Variants in GNPAT observed in about 807,000 individuals in gnomAD.
GNPAT encodes dihydroxyacetone phosphate acyltransferase.
Under a neutral mutation model 78.4 loss-of-function variants are expected in GNPAT, and 30 were observed. That is an observed-to-expected ratio of 0.38 (90% CI 0.29 to 0.52). The LOEUF (loss-of-function observed/expected upper bound fraction) is 0.52. Among genes scored for constraint, GNPAT ranks in the 20% least tolerant of loss-of-function variants. The pLI is 0.84. For missense variants in GNPAT, 714 were observed against 812.2 expected (o/e 0.88, Z 1.47); for synonymous variants, 271 against 281.1 (o/e 0.96, Z 0.36).
At position 231,275,258 on chromosome 1, in the gene GNPAT, A is replaced by G; in HGVS notation, c.1781A>G (p.His594Arg). The change falls in exon 13 of 16, where the codon CAC becomes CGC. Residue 594 changes from histidine to arginine, a missense_variant. Physicochemically the swap from His to Arg is conservative, Grantham distance 29. Transcript: ENST00000366647. ...CKYLLSEEED[H>R]FSEEQYLAAV... Reference sequence around the variant, plus strand: ...TACCTTTTGAGTGAAGAAGAGGACCACTTCAGTGAGGAACAGTACTTGGCT... The same window carrying G: ...TACCTTTTGAGTGAAGAAGAGGACCGCTTCAGTGAGGAACAGTACTTGGCT... 1 of 1,612,326 alleles carries G rather than the reference A, an allele frequency of 6.2e-7. No individual in the cohort carries two copies. The highest frequency in any genetic ancestry group is 8.5e-7 in the Non-Finnish European group (1 of 1,178,298).
At chr1:231,249,760 A>G in intron 1 of GNPAT, among the ~76,000 whole-genome samples, 1 of 152,226 alleles carries the variant, frequency 6.6e-6, no homozygotes, top group South Asian at 2.1e-4. Context: ...GTCAGCACAT[A>G]TGACAAGTGT....
chr1:231,252,696 C>T (rs1297433368), intron 2 of GNPAT, among the ~76,000 whole-genome samples: 1 of 151,882 alleles, frequency 6.6e-6, no homozygotes, highest in Non-Finnish European at 1.5e-5. Context: ...AAGGAATATG[C>T]TCTCTCCTTT....
chr1:231,265,951 A>C (rs1242955934), intron 6 of GNPAT, 63 bp from the exon 7 acceptor site: 4 of 1,371,216 alleles, frequency 2.9e-6, no homozygotes, highest in Non-Finnish European at 4.2e-6. Context: ...TTTTCCGTTT[A>C]TGTGCTCATG....
At chr1:231,268,756 A>T (rs1464416465) in intron 9 of GNPAT, among the ~76,000 whole-genome samples, 1 of 150,708 alleles carries the variant, frequency 6.6e-6, no homozygotes, top group Non-Finnish European at 1.5e-5. Flanking sequence ...AAACACAAAA[A>T]TTAGCCGGGC....
At position 231,241,334 on chromosome 1, in the gene GNPAT, G is replaced by C. The variant is rs1448052255; in HGVS notation, c.-45G>C. On this transcript the variant is annotated 5_prime_UTR_variant, in exon 1 of 16. Transcript: ENST00000366647. ...CGCCCCCAGCAGGAGCACCACCACG[G>C]CTTAGCAAAGAATCCCAGACCCCGC... 1.8e-5 allele frequency: 27 copies of C among 1,532,290 alleles called. No homozygotes were observed. The highest frequency in any genetic ancestry group is 2.4e-5 in the Non-Finnish European group (27 of 1,105,378). 94.9% of individuals were successfully genotyped at this position (1,532,290 alleles called of 1,614,324 possible). A position where few individuals can be genotyped will look rare whatever the true frequency, so the allele number is the denominator to read the frequency against.
intron 1 of GNPAT, among the ~76,000 whole-genome samples, chr1:231,249,225 GTATT>G (rs1558324960): frequency 6.6e-6 from 1 of 152,186 alleles, no homozygotes; most frequent in Non-Finnish European, 1.5e-5. Context: ...ATAAGCAAGA[GTATT>G]TATTACAAGG....
intron 4 of GNPAT, among the ~76,000 whole-genome samples, chr1:231,263,203 T>C (rs1360881173): frequency 6.6e-6 from 1 of 152,240 alleles, no homozygotes; most frequent in Non-Finnish European, 1.5e-5. Context: ...TTAATTGTGA[T>C]AAAATACATA....
At position 231,241,389 on chromosome 1, in the gene GNPAT, C is replaced by A. The variant is rs1174942092; in HGVS notation, c.11C>A (p.Ser4Tyr). 1 of 1,613,570 alleles carries A rather than the reference C, an allele frequency of 6.2e-7. No homozygotes were observed. The highest frequency in any genetic ancestry group is 1.3e-5 in the African/African-American group (1 of 75,040). The change falls in exon 1 of 16, where the codon TCC becomes TAC. Residue 4 changes from serine to tyrosine, a missense_variant. Transcript: ENST00000366647. ...GAAGGCAGCCGCACCATGGAGTCTTCCAGTTCATCTAACTCTTATTTCTCC... is the reference window on the plus strand; with the variant it reads ...GAAGGCAGCCGCACCATGGAGTCTTACAGTTCATCTAACTCTTATTTCTCC... Reference protein sequence around the residue: MESSSSSNSYFSVG... With the variant: MESYSSSNSYFSVG...
rs61828904 is a variant in GNPAT, at chr1:231,251,381, T to C, written c.261+238T>C. Among the ~76,000 whole-genome samples the C allele has an allele frequency of 2.9e-3, 446 of 152,270 alleles. 2 individuals carry two copies. Among genetic ancestry groups the C allele is most frequent in the Admixed American group, 6.6e-3 (101 of 15,278 alleles). On this transcript the variant is annotated intron_variant, in intron 2 of 15. Coordinates refer to ENST00000366647, the MANE Select transcript of GNPAT (RefSeq NM_014236.4). Reference sequence around the variant, plus strand: ...TCGTCTGGGCATAAGTGAAATATGATACGAGACATGCTAGTGGGAGCCCAG... The same window carrying C: ...TCGTCTGGGCATAAGTGAAATATGACACGAGACATGCTAGTGGGAGCCCAG...
intron 1 of GNPAT, 70 bp from the exon 2 acceptor site, chr1:231,250,891 C>A: frequency 1.0e-6 from 1 of 975,526 alleles, no homozygotes; most frequent in Admixed American, 1.7e-5. Context: ...GAAACCTTAC[C>A]AATGTAGTCT....
chr1:231,259,157 CTT>C (rs55848293), intron 2 of GNPAT, among the ~76,000 whole-genome samples: 26 of 145,272 alleles, frequency 1.8e-4, no homozygotes, highest in African/African-American at 5.1e-4. Context: ...TATTTATAAA[CTT>C]TTTTTTTTTT....
intron 9 of GNPAT, 41 bp from the exon 10 acceptor site, chr1:231,270,717 C>A (rs1339828068): frequency 3.7e-6 from 6 of 1,608,142 alleles, no homozygotes; most frequent in Middle Eastern, 1.7e-4. Flanking sequence ...AGACTCCCTG[C>A]AGTGACCCAT....
chr1:231,268,135 T>C (rs898667384), intron 9 of GNPAT, among the ~76,000 whole-genome samples: 4 of 152,024 alleles, frequency 2.6e-5, no homozygotes, highest in African/African-American at 7.2e-5. Context: ...ACCCCGTCTC[T>C]ACTAAAAAAT....
chr1:231,262,481 CTG>C (rs527576458), intron 3 of GNPAT, among the ~76,000 whole-genome samples: 211 of 152,302 alleles, frequency 1.4e-3, no homozygotes, highest in African/African-American at 4.7e-3. Flanking sequence ...GCGATCATCA[CTG>C]TTATTATTCT....
At chr1:231,272,419 A>G in intron 11 of GNPAT, 28 bp downstream of exon 11, 2 of 1,165,330 alleles carry the variant, frequency 1.7e-6, no homozygotes, top group Middle Eastern at 1.9e-4. Flanking sequence ...AAGAGCAAGT[A>G]TGTTTGCAGT....
intron 15 of GNPAT, among the ~76,000 whole-genome samples, chr1:231,276,982 G>A (rs1036261392): frequency 3.3e-5 from 5 of 152,138 alleles, no homozygotes; most frequent in African/African-American, 1.2e-4. Context: ...TGGGATTTGC[G>A]GAAGACCAGA....
rs1258342049 is a variant in GNPAT at position 231,275,435 on chromosome 1, C to G, written c.1874C>G (p.Ser625Cys). Residue 625 changes from serine to cysteine, a missense_variant, in exon 14 of 16, where the codon TCT (serine) becomes TGT (cysteine). Physicochemically the swap from Ser to Cys is moderately radical, Grantham distance 112 (BLOSUM62 -1). Coordinates refer to ENST00000366647, the MANE Select transcript of GNPAT (RefSeq NM_014236.4). Reference sequence around the variant, plus strand: ...TCTCAATGTTATGATGTATTATCTTCTGATGTGCAGAAAAACGCCTTAGCA... The same window carrying G: ...TCTCAATGTTATGATGTATTATCTTGTGATGTGCAGAAAAACGCCTTAGCA... ...GTSQCYDVLS[S>C]DVQKNALAAC... 1 of 1,611,818 alleles carries G rather than the reference C, an allele frequency of 6.2e-7. No individual in the cohort carries two copies. The highest frequency in any genetic ancestry group is 1.3e-5 in the African/African-American group (1 of 74,892).
chr1:231,254,995 C>T (rs1038283722), intron 2 of GNPAT, among the ~76,000 whole-genome samples: 2 of 151,994 alleles, frequency 1.3e-5, no homozygotes, highest in South Asian at 2.1e-4. Flanking sequence ...TCAGGTAATC[C>T]GCCCACCTCA....
chr1:231,266,250 C>T, intron 7 of GNPAT, 27 bp from the exon 8 acceptor site: 1 of 1,613,876 alleles, frequency 6.2e-7, no homozygotes, highest in Non-Finnish European at 8.5e-7. Context: ...TTTTCGTTTT[C>T]TTCCCCCCCT....
Sources: gnomAD v4.1 joint callset for allele counts (sites outside exome capture counted in the v4.1 genomes callset) on GRCh38, gnomAD v4.1.1 for gene constraint, MANE v1.5 for transcripts, NCBI Gene and HGNC (gene_info 2026-07-23, HGNC 2026-07-21) for gene names.